The following PRKG1 variants were observed in gnomAD, a reference collection of about 807,000 sequenced individuals.
The protein encoded by PRKG1 is protein kinase cGMP-dependent 1, also known as cGMP-dependent protein kinase 1.
PRKG1 carries 35 observed loss-of-function variants against 88.1 expected under a neutral mutation model. The ratio of observed to expected loss-of-function variants is 0.40; its 90% CI spans 0.30 to 0.53. The LOEUF is 0.53. Ranked by LOEUF, PRKG1 falls within the 20% of genes least tolerant of loss-of-function variation. The pLI, the probability that PRKG1 is intolerant of heterozygous loss-of-function variation, is 0.59. For missense variants in PRKG1, 540 were observed against 839.8 expected, an observed-to-expected ratio of 0.64 and a Z score of 4.41; for synonymous variants, 303 against 292.5, an observed-to-expected ratio of 1.04 and a Z score of -0.37.
At chr10:51,926,895 G>C (rs535152636) in intron 5 of PRKG1, among the ~76,000 whole-genome samples, 2 of 151,528 alleles carry the variant, frequency 1.3e-5, no homozygotes, top group African/African-American at 4.9e-5. Context: ...CCTGGTAATT[G>C]TAAGTAACCA....
intron 1 of PRKG1, among the ~76,000 whole-genome samples, chr10:51,002,949 C>T (rs1842903694): frequency 6.6e-6 from 1 of 152,284 alleles, no homozygotes; most frequent in African/African-American, 2.4e-5. Flanking sequence ...TTCACATTTT[C>T]ATGCCCTGTT....
chr10:51,228,559 A>T (rs1361380543), intron 2 of PRKG1, among the ~76,000 whole-genome samples: 2 of 152,144 alleles, frequency 1.3e-5, no homozygotes, highest in Non-Finnish European at 2.9e-5. Flanking sequence ...ATTTAAGTAA[A>T]TTGCTTTTTG....
chr10:51,451,259 A>G (rs554240182), intron 2 of PRKG1, among the ~76,000 whole-genome samples: 3 of 144,446 alleles, frequency 2.1e-5, no homozygotes, highest in African/African-American at 7.8e-5. Context: ...GCTATTTGCA[A>G]CAATTGTCAT....
At chr10:51,218,896 T>C (rs1284728591) in intron 2 of PRKG1, among the ~76,000 whole-genome samples, 1 of 151,454 alleles carries the variant, frequency 6.6e-6, no homozygotes, top group African/African-American at 2.4e-5. Flanking sequence ...AGGAAGAAGA[T>C]AGCATAGCAG....
intron 3 of PRKG1, among the ~76,000 whole-genome samples, chr10:51,593,296 AC>A (rs1200969132): frequency 1.3e-5 from 2 of 150,646 alleles, no homozygotes; most frequent in Non-Finnish European, 2.9e-5. Flanking sequence ...AGAGGGTAAT[AC>A]CCTATACTGA....
rs115518229 is a variant in PRKG1 at position 51,002,657 on chromosome 10, A to G, written c.266+11013A>G. On this transcript the variant is annotated intron_variant, in intron 1 of 17. Coordinates refer to the PRKG1 transcript ENST00000401604. ...CTTCCTGTAAAAGGCTATTTCATTC[A>G]GTCTGTGACCCCTTTCATGTGAAAC... Among the ~76,000 whole-genome samples the G allele has an allele frequency of 2.2e-3, 331 of 152,280 alleles. 1 individual carries two copies. The highest frequency in any genetic ancestry group is 7.8e-3 in the African/African-American group (323 of 41,562).
At chr10:51,556,368 CA>C in intron 3 of PRKG1, among the ~76,000 whole-genome samples, 1 of 151,576 alleles carries the variant, frequency 6.6e-6, no homozygotes, top group East Asian at 2.0e-4. Flanking sequence ...ATAAATATTT[CA>C]AAAAATAATT....
At chr10:51,603,749 C>A (rs1180051857) in intron 3 of PRKG1, among the ~76,000 whole-genome samples, 2 of 152,154 alleles carry the variant, frequency 1.3e-5, no homozygotes, top group Admixed American at 6.6e-5. Context: ...CTAGTAAATG[C>A]ATATTGCAGT....
intron 4 of PRKG1, among the ~76,000 whole-genome samples, chr10:51,805,149 A>G (rs577046482): frequency 1.4e-4 from 22 of 152,256 alleles, no homozygotes; most frequent in African/African-American, 4.8e-4. Flanking sequence ...GAAAGGTCAG[A>G]TGACTAAGAT....
intron 3 of PRKG1, among the ~76,000 whole-genome samples, chr10:51,479,845 C>G (rs535855708): frequency 6.6e-6 from 1 of 152,068 alleles, no homozygotes; most frequent in East Asian, 1.9e-4. Context: ...ACTTGGCACG[C>G]CTTCACAGCA....
intron 2 of PRKG1, among the ~76,000 whole-genome samples, chr10:51,344,463 A>G (rs1588863993): frequency 6.6e-6 from 1 of 152,222 alleles, no homozygotes; most frequent in Non-Finnish European, 1.5e-5. Context: ...AAACTATATC[A>G]GACACACTCA....
chr10:51,438,549 T>C (rs1392553032), intron 2 of PRKG1, among the ~76,000 whole-genome samples: 1 of 151,890 alleles, frequency 6.6e-6, no homozygotes, highest in Non-Finnish European at 1.5e-5. Context: ...TTGTCTCCTT[T>C]TCTCATGATG....
intron 1 of PRKG1, among the ~76,000 whole-genome samples, chr10:51,018,066 C>T (rs563384486): frequency 9.9e-5 from 15 of 152,070 alleles, no homozygotes; most frequent in South Asian, 6.2e-4. Flanking sequence ...AAGCAATCTA[C>T]GCATCTTGGC....
At chr10:51,670,462 C>T (rs1029277156) in intron 3 of PRKG1, among the ~76,000 whole-genome samples, 7 of 151,156 alleles carry the variant, frequency 4.6e-5, no homozygotes, top group Admixed American at 1.3e-4. Context: ...TAAGGCCGGG[C>T]GCGGTGGCTC....
chr10:51,183,784 G>A (rs1260746544), intron 2 of PRKG1, among the ~76,000 whole-genome samples: 2 of 151,984 alleles, frequency 1.3e-5, no homozygotes, highest in South Asian at 2.1e-4. Flanking sequence ...AACATGTTTA[G>A]TGTTTCTTTA....
intron 2 of PRKG1, among the ~76,000 whole-genome samples, chr10:51,262,740 A>G (rs958856563): frequency 4.5e-4 from 68 of 152,136 alleles, no homozygotes; most frequent in African/African-American, 1.5e-3. Flanking sequence ...GAAGCAAAGC[A>G]TGTCTTCTCA....
chr10:51,448,945 C>T lies in PRKG1; in HGVS notation c.479-18778C>T, dbSNP rs765763676. 4.9e-4 allele frequency among the ~76,000 whole-genome samples: 75 copies of T among 152,042 alleles called. 1 individual carries two copies. Among genetic ancestry groups the T allele is most frequent in the Admixed American group, 2.6e-4 (4 of 15,238 alleles). On this transcript the variant is annotated intron_variant, in intron 2 of 17. Coordinates refer to ENST00000373980, the MANE Select transcript of PRKG1 (RefSeq NM_006258.4). ...TTTATTTTGATGTTATAAAAAGTTA[C>T]ACATGTAAAACTGATTTATTAAAAC...
intron 5 of PRKG1, among the ~76,000 whole-genome samples, chr10:51,926,455 A>G (rs1341785852): frequency 2.0e-5 from 3 of 152,104 alleles, no homozygotes; most frequent in African/African-American, 7.2e-5. Context: ...TATTTGTACC[A>G]AGAGATGCTG....
intron 12 of PRKG1, among the ~76,000 whole-genome samples, chr10:52,280,584 CA>C (rs1342274255): frequency 6.6e-6 from 1 of 152,022 alleles, no homozygotes; most frequent in Non-Finnish European, 1.5e-5. Flanking sequence ...CTATTCCATT[CA>C]TAAAGACAGA....
Sources: allele counts gnomAD v4.1 joint callset (sites outside exome capture counted in the v4.1 genomes callset), GRCh38; gene constraint gnomAD v4.1.1; transcripts MANE v1.5; gene names NCBI Gene and HGNC (gene_info 2026-07-23, HGNC 2026-07-21).